CAMKMT: variants seen among roughly 807,000 people sequenced by gnomAD.
CAMKMT encodes calmodulin-lysine N-methyltransferase.
In CAMKMT, 53 loss-of-function variants were observed where a neutral mutation model predicts 48.0. That is an observed-to-expected ratio of 1.10 (90% CI 0.89 to 1.39). The LOEUF is 1.39. Ranked by LOEUF, CAMKMT falls within the 40% of genes most tolerant of loss-of-function variation. The probability of loss-of-function intolerance (pLI) is 0.00; values close to 1 mark genes in which losing one functional copy is unlikely to be tolerated. For missense variants in CAMKMT, 428 were observed against 402.7 expected, an observed-to-expected ratio of 1.06 and a Z score of -0.54; for synonymous variants, 165 against 152.3, an observed-to-expected ratio of 1.08 and a Z score of -0.61.
intron 7 of CAMKMT, among the ~76,000 whole-genome samples, chr2:44,723,538 C>A (rs1054479164): frequency 6.6e-6 from 1 of 151,352 alleles, no homozygotes; most frequent in African/African-American, 2.4e-5. Flanking sequence ...TTGCAGTGAG[C>A]GGAGATCACA....
chr2:44,489,794 T>TA (rs976411212), intron 3 of CAMKMT, among the ~76,000 whole-genome samples: 2 of 152,022 alleles, frequency 1.3e-5, no homozygotes, highest in African/African-American at 2.4e-5. Context: ...AAAATGAAAT[T>TA]AAAAAAACAC....
chr2:44,629,517 T>C (rs1003754887), intron 3 of CAMKMT, among the ~76,000 whole-genome samples: 1 of 147,766 alleles, frequency 6.8e-6, no homozygotes, highest in Non-Finnish European at 1.5e-5. Flanking sequence ...CTCACTGCAA[T>C]CTCCACCTCC....
intron 10 of CAMKMT, among the ~76,000 whole-genome samples, chr2:44,768,389 C>T (rs896820131): frequency 7.7e-6 from 1 of 130,708 alleles, no homozygotes; most frequent in Non-Finnish European, 1.6e-5. Flanking sequence ...ATAATGAGAG[C>T]TATTTCAGCT....
chr2:44,764,502 C>T (rs1477194735), intron 9 of CAMKMT, among the ~76,000 whole-genome samples: 1 of 151,914 alleles, frequency 6.6e-6, no homozygotes, highest in African/African-American at 2.4e-5. Flanking sequence ...AGTGGATCAG[C>T]GAGGATGGGT....
chr2:44,599,690 C>T (rs961295822), intron 3 of CAMKMT, among the ~76,000 whole-genome samples: 1 of 151,876 alleles, frequency 6.6e-6, no homozygotes, highest in Admixed American at 6.6e-5. Context: ...GAACTTAGGG[C>T]TTAGATTCCA....
chr2:44,581,751 A>G (rs920608912), intron 3 of CAMKMT, among the ~76,000 whole-genome samples: 26 of 152,266 alleles, frequency 1.7e-4, no homozygotes, highest in African/African-American at 5.5e-4. Context: ...CTGTAATCCC[A>G]GCACTTTGGG....
intron 3 of CAMKMT, among the ~76,000 whole-genome samples, chr2:44,561,315 T>G (rs529536081): frequency 6.6e-6 from 1 of 152,228 alleles, no homozygotes; most frequent in African/African-American, 2.4e-5. Flanking sequence ...TCCATCTAGC[T>G]GGTGGTTTAT....
intron 9 of CAMKMT, among the ~76,000 whole-genome samples, chr2:44,759,984 A>G (rs1680548944): frequency 6.6e-6 from 1 of 152,210 alleles, no homozygotes. Flanking sequence ...TCCTGATTCA[A>G]CAAACATTTG....
rs151225200 is a variant in CAMKMT, at chr2:44,414,709, A to C, written c.376+24404A>C. On this transcript the variant is annotated intron_variant, in intron 3 of 10. Coordinates refer to ENST00000378494, the MANE Select transcript of CAMKMT (RefSeq NM_024766.5). ...AGGGTGGAAATATGAAGATGCAAAG[A>C]TCATTGAGGACCATCTTGGAGGCTG... 1.2e-3 allele frequency among the ~76,000 whole-genome samples: 185 copies of C among 152,312 alleles called. 1 individual carries two copies. Among genetic ancestry groups the C allele is most frequent in the African/African-American group, 4.3e-3 (178 of 41,574 alleles).
At chr2:44,729,599 G>C (rs937792356) in intron 7 of CAMKMT, among the ~76,000 whole-genome samples, 3 of 152,202 alleles carry the variant, frequency 2.0e-5, no homozygotes, top group Non-Finnish European at 4.4e-5. Flanking sequence ...CATCAGGGCA[G>C]GTGAAGCAAT....
rs1036952854 is a variant in CAMKMT at position 44,463,363 on chromosome 2, T to C, written c.376+73058T>C. 5.3e-5 allele frequency among the ~76,000 whole-genome samples: 8 copies of C among 152,192 alleles called. No homozygotes were observed. In the South Asian group the frequency reaches 1.2e-3, roughly 24 times the overall value. On this transcript the variant is annotated intron_variant, in intron 3 of 10. Transcript: ENST00000378494. Reference sequence around the variant, plus strand: ...AGGATCAAAGCCATGAATAGTTCTATTGAAAGAGATAAGACAAGTAGTTCC... The same window carrying C: ...AGGATCAAAGCCATGAATAGTTCTACTGAAAGAGATAAGACAAGTAGTTCC...
chr2:44,577,079 C>G (rs750784428), intron 3 of CAMKMT, among the ~76,000 whole-genome samples: 1 of 152,154 alleles, frequency 6.6e-6, no homozygotes, highest in African/African-American at 2.4e-5. Flanking sequence ...AAATAATTCC[C>G]CAGGATAGGA....
intron 3 of CAMKMT, among the ~76,000 whole-genome samples, chr2:44,562,447 A>G (rs1012174342): frequency 2.6e-5 from 4 of 152,154 alleles, no homozygotes; most frequent in African/African-American, 9.7e-5. Flanking sequence ...AATTCACACA[A>G]CATCCCTGGG....
At chr2:44,588,788 A>C (rs201744851) in intron 3 of CAMKMT, among the ~76,000 whole-genome samples, 1 of 6,326 alleles carries the variant, frequency 1.6e-4, no homozygotes, top group Non-Finnish European at 3.1e-4. Context: ...TGAGGACCCC[A>C]CTGCCCGGCC....
At position 44,558,063 on chromosome 2, in the gene CAMKMT, A is replaced by G. The variant is rs892946020; in HGVS notation, c.377-146220A>G. On this transcript the variant is annotated intron_variant, in intron 3 of 10. Coordinates refer to ENST00000378494, the MANE Select transcript of CAMKMT (RefSeq NM_024766.5). ...CATTCATTCATTCATTCATTCATTC[A>G]TTCATTCATTCGATGAGATCTTGCT... 7.3e-5 allele frequency among the ~76,000 whole-genome samples: 8 copies of G among 109,610 alleles called. No homozygotes were observed. In the East Asian group the frequency reaches 1.1e-3, roughly 15 times the overall value. The allele number at this position is 109,610 out of a possible 152,430, so 71.9% of individuals were successfully genotyped here.
intron 3 of CAMKMT, among the ~76,000 whole-genome samples, chr2:44,503,984 G>GGAGAGAGAGAGAGAGAGAGAGAGA (rs370141046): frequency 2.1e-5 from 3 of 142,594 alleles, no homozygotes; most frequent in African/African-American, 5.4e-5. Flanking sequence ...GAGCGGGTGG[G>GGAGAGAGAGAGAGAGAGAGAGAGA]GAGAGAGAGA....
intron 3 of CAMKMT, among the ~76,000 whole-genome samples, chr2:44,639,768 T>A (rs1184631645): frequency 6.6e-6 from 1 of 152,232 alleles, no homozygotes; most frequent in Admixed American, 6.5e-5. Context: ...AACCTATTTT[T>A]CAGGGTGCCT....
chr2:44,466,978 C>T (rs147561966), intron 3 of CAMKMT, among the ~76,000 whole-genome samples: 3,878 of 152,214 alleles, frequency 0.025, 169 homozygotes, highest in African/African-American at 0.088. Context: ...AGGCCAGTCA[C>T]GGTGGCTCAC....
At chr2:44,506,515 T>C (rs1157910534) in intron 3 of CAMKMT, among the ~76,000 whole-genome samples, 1 of 152,226 alleles carries the variant, frequency 6.6e-6, no homozygotes, top group Non-Finnish European at 1.5e-5. Context: ...AGTCAATATC[T>C]GTATAATTTA....
Sources: gnomAD v4.1 joint callset for allele counts (sites outside exome capture counted in the v4.1 genomes callset) on GRCh38, gnomAD v4.1.1 for gene constraint, MANE v1.5 for transcripts, NCBI Gene and HGNC (gene_info 2026-07-23, HGNC 2026-07-21) for gene names.